The following SEMA3F variants were observed in gnomAD, a reference collection of about 807,000 sequenced individuals.
SEMA3F encodes semaphorin 3F, also known as semaphorin-3F.
In SEMA3F, 30 loss-of-function variants were observed where a neutral mutation model predicts 98.5. The ratio of observed to expected loss-of-function variants is 0.30; its 90% confidence interval spans 0.23 to 0.41. The LOEUF (loss-of-function observed/expected upper bound fraction) is 0.41, where lower values mean the gene tolerates loss of function less well. Ranked by LOEUF, SEMA3F falls within the 10% of genes least tolerant of loss-of-function variation. The pLI is 1.00. For missense variants in SEMA3F, 866 were observed against 1,119.3 expected, an observed-to-expected ratio of 0.77 and a Z score of 3.23; for synonymous variants, 380 against 444.8, an observed-to-expected ratio of 0.85 and a Z score of 1.83.
chr3:50,184,289 A>T lies in SEMA3F; in HGVS notation c.1234-303A>T, dbSNP rs1272040185. On this transcript the variant is annotated intron_variant, in intron 12 of 18. Coordinates refer to ENST00000002829, the MANE Select transcript of SEMA3F (RefSeq NM_004186.5). ...GGTGAGACCCTAGGAACAACCAGAG[A>T]GGAAGGAGATGACAGGGGTGGGGAG... 18 of 442,632 alleles carry T rather than the reference A, an allele frequency of 4.1e-5. No individual in the cohort carries two copies. The East Asian group carries it at 7.3e-4, about 18-fold the overall frequency. 27.4% of individuals were successfully genotyped at this position (442,632 alleles called of 1,614,324 possible). A position where few individuals can be genotyped will look rare whatever the true frequency, so the allele number is the denominator to read the frequency against.
chr3:50,188,069 A>C lies in SEMA3F; in HGVS notation c.2312A>C (p.Asp771Ala). 6.4e-7 allele frequency: 1 copy of C among 1,566,788 alleles called. No individual in the cohort carries two copies. The highest frequency in any genetic ancestry group is 8.7e-7 in the Non-Finnish European group (1 of 1,155,434). ...PGAPRSPEPQDQKKPRNRRHH... is the reference protein window; with the variant it reads ...PGAPRSPEPQAQKKPRNRRHH... The stretch of plus-strand genomic sequence containing the variant: ...GCACCCCGGTCTCCTGAGCCCCAGG[A>C]CCAGAAAAAGCCCCGGAACCGCCGG... Residue 771 changes from aspartate to alanine, a missense_variant, in exon 19 of 19, where the codon GAC becomes GCC. Around this residue, in one of 3 missense-constraint regions of SEMA3F, gnomAD observed 245 missense variants for 260.5 expected, o/e 0.94. Transcript: ENST00000002829. This position sits in a 1 kb window ranked among gnomAD's most constrained non-coding sequence, Gnocchi z 4.5.
rs1292760548 is a variant in SEMA3F, at chr3:50,166,473, C to T, written c.112+6739C>T. ...TTCCTGGCTGGGCCTGGGGCCTGTGCGGAGTGCTCACTGCCTGCCCTTGAC... is the reference window on the plus strand; with the variant it reads ...TTCCTGGCTGGGCCTGGGGCCTGTGTGGAGTGCTCACTGCCTGCCCTTGAC... On this transcript the variant is annotated intron_variant, in intron 2 of 18. Coordinates refer to ENST00000002829, the MANE Select transcript of SEMA3F (RefSeq NM_004186.5). The surrounding 1 kb of genome is among the most constrained non-coding windows in gnomAD (Gnocchi z 4.7). 2.6e-5 allele frequency among the ~76,000 whole-genome samples: 4 copies of T among 152,146 alleles called. No individual in the cohort carries two copies. The highest frequency in any genetic ancestry group is 5.9e-5 in the Non-Finnish European group (4 of 68,016).
Position 50,183,437 on chromosome 3 carries a change from C to G in SEMA3F, c.1106C>G (p.Ser369Cys), listed in dbSNP as rs1655047408. The G allele has an allele frequency of 1.2e-6, 2 of 1,613,994 alleles. No homozygotes were observed. Among genetic ancestry groups the G allele is most frequent in the Admixed American group, 1.7e-5 (1 of 60,008 alleles). The change falls in exon 12 of 19, where the codon TCT becomes TGT. Residue 369 changes from serine to cysteine, a missense_variant. Physicochemically the swap from Ser to Cys is moderately radical, Grantham distance 112. Around this residue, in one of 3 missense-constraint regions of SEMA3F, gnomAD observed 374 missense variants for 582.8 expected, o/e 0.64. Coordinates refer to ENST00000002829, the MANE Select transcript of SEMA3F (RefSeq NM_004186.5). ...GCCCACAGCTCCGTGTTCCGAGGCT[C>G]TGCCGTGTGTGTCTACTCCATGGCT... The part of the protein sequence containing the change: ...FTSSGSVFRG[S>C]AVCVYSMADI...
At chr3:50,167,774 A>G (rs543417542) in intron 2 of SEMA3F, among the ~76,000 whole-genome samples, 2 of 152,262 alleles carry the variant, frequency 1.3e-5, no homozygotes, top group African/African-American at 2.4e-5. Context: ...CCCCTGGGAT[A>G]GATGTGTCAG....
rs192916608 is a variant in SEMA3F, at chr3:50,174,746, G to C, written c.457-350G>C. Among the ~76,000 whole-genome samples, 322 of 152,358 alleles carry C rather than the reference G, an allele frequency of 2.1e-3. 1 individual carries two copies. The highest frequency in any genetic ancestry group is 3.9e-3 in the Non-Finnish European group (268 of 68,016). ...TGGGTCAGCTTCTACCATGTGGCCT[G>C]GGGGAGAGCTGCCTTCCACCCCCAG... is the stretch of plus-strand genomic sequence containing the variant. On this transcript the variant is annotated intron_variant, in intron 5 of 18. Coordinates refer to ENST00000002829, the MANE Select transcript of SEMA3F (RefSeq NM_004186.5).
rs772695016 is a variant in SEMA3F at position 50,183,032 on chromosome 3, A to G, written c.1018+14A>G. ...TTGATGAGCTCCGTGAGTGCCCAGC[A>G]GGCAGGCAGGGTGCTCTGGCTACAG... On this transcript the variant is annotated intron_variant, in intron 10 of 18. Transcript: ENST00000002829. The G allele has an allele frequency of 1.9e-6, 3 of 1,607,222 alleles. No individual in the cohort carries two copies. The highest frequency in any genetic ancestry group is 1.1e-5 in the South Asian group (1 of 90,930).
Position 50,188,172 on chromosome 3 carries a change from A to G in SEMA3F, c.*57A>G. Reference sequence around the variant, plus strand: ...CTAGCCCTTGTCCCTTTTAATATAAAAGATATATATATATATATATATATA... The same window carrying G: ...CTAGCCCTTGTCCCTTTTAATATAAGAGATATATATATATATATATATATA... On this transcript the variant is annotated 3_prime_UTR_variant, in exon 19 of 19. Coordinates refer to ENST00000002829, the MANE Select transcript of SEMA3F (RefSeq NM_004186.5). This position sits in a 1 kb window ranked among gnomAD's most constrained non-coding sequence, Gnocchi z 4.5. 1 of 416,098 alleles carries G rather than the reference A, an allele frequency of 2.4e-6. No homozygotes were observed. Among genetic ancestry groups the G allele is most frequent in the Non-Finnish European group, 3.5e-6 (1 of 283,766 alleles). 25.8% of individuals were successfully genotyped at this position (416,098 alleles called of 1,614,324 possible). A position where few individuals can be genotyped will look rare whatever the true frequency, so the allele number is the denominator to read the frequency against.
rs200273983 is a variant in SEMA3F, at chr3:50,174,248, C to T, written c.354C>T (p.Phe118=). The T allele has an allele frequency of 9.0e-5, 145 of 1,613,650 alleles. No individual in the cohort carries two copies. The highest frequency in any genetic ancestry group is 1.0e-4 in the Non-Finnish European group (123 of 1,179,986). Residue 118 remains phenylalanine (F), a synonymous_variant, in exon 5 of 19, where the codon TTC becomes TTT. Coordinates refer to ENST00000002829, the MANE Select transcript of SEMA3F (RefSeq NM_004186.5). ...GGCCCCAGGGCGAGTGTGGGAACTT[C>T]GTCAGGCTCATCCAGCCCTGGAACC... ...GKDVNGECGN[F]VRLIQPWNRT... is the part of the protein sequence containing the mutation.
At chr3:50,186,549 C>A in intron 17 of SEMA3F, 64 bp from the exon 18 acceptor site, 1 of 1,553,554 alleles carries the variant, frequency 6.4e-7, no homozygotes, top group Non-Finnish European at 8.8e-7. Context: ...GGTGCCTGCC[C>A]CGAAGCAGTC....
In SEMA3F at chr3:50,182,243, C is replaced by G; in HGVS notation, c.644-41C>G. The G allele has an allele frequency of 6.2e-7, 1 of 1,613,780 alleles. No individual in the cohort carries two copies. Among genetic ancestry groups the G allele is most frequent in the Non-Finnish European group, 8.5e-7 (1 of 1,179,926 alleles). The stretch of plus-strand genomic sequence containing the variant: ...CATCTGAGCTGTGCCCTGGCCCTAG[C>G]AAACAGCAGCCCCCCAACTGACCCA... On this transcript the variant is annotated intron_variant, in intron 7 of 18. Transcript: ENST00000002829. This position sits in a 1 kb window ranked among gnomAD's most constrained non-coding sequence, Gnocchi z 4.5.
chr3:50,183,016 T>C lies in SEMA3F; in HGVS notation c.1016T>C (p.Leu339Pro). 6.2e-7 allele frequency: 1 copy of C among 1,612,512 alleles called. No homozygotes were observed. Among genetic ancestry groups the C allele is most frequent in the Non-Finnish European group, 8.5e-7 (1 of 1,178,854 alleles). Residue 339 changes from leucine to proline, a missense_variant and splice_region_variant, in exon 10 of 19, where the codon CTC becomes CCC. Physicochemically the swap from Leu to Pro is moderately conservative, Grantham distance 98 (BLOSUM62 -3). Coordinates refer to ENST00000002829, the MANE Select transcript of SEMA3F (RefSeq NM_004186.5). The stretch of plus-strand genomic sequence containing the variant: ...GGCATTGAGACTCACTTTGATGAGC[T>C]CCGTGAGTGCCCAGCAGGCAGGCAG... Reference protein sequence around the residue: ...EDGIETHFDELQDVFVQQTQD... With the variant: ...EDGIETHFDEPQDVFVQQTQD...
chr3:50,173,569 C>T (rs1290859816), intron 2 of SEMA3F: 2 of 548,584 alleles, frequency 3.6e-6, no homozygotes, highest in Non-Finnish European at 6.5e-6. Context: ...TTGAACCCAG[C>T]AGATGGAGGT....
Position 50,176,750 on chromosome 3 carries a change from C to T in SEMA3F, c.550-18C>T, listed in dbSNP as rs759057856. 1.9e-6 allele frequency: 3 copies of T among 1,583,366 alleles called. No individual in the cohort carries two copies. The highest frequency in any genetic ancestry group is 2.2e-5 in the East Asian group (1 of 44,740). On this transcript the variant is annotated intron_variant, in intron 6 of 18. Coordinates refer to ENST00000002829, the MANE Select transcript of SEMA3F (RefSeq NM_004186.5). ...GGGGACTGGCCTGGACGATGCTGAG[C>T]CCCGCTCTGCCTTACAGGATTACAT...
At chr3:50,174,457 T>C in intron 5 of SEMA3F, 107 bp downstream of exon 5, 1 of 1,397,232 alleles carries the variant, frequency 7.2e-7, no homozygotes, top group African/African-American at 1.4e-5. Flanking sequence ...TCCGAGCCTT[T>C]TGACCTTGGG....
In SEMA3F at chr3:50,156,748, C is replaced by G. The variant is rs1345590549; in HGVS notation, c.-49+1184C>G. ...CCTTCAGCTCCGAAGGAGCCAGGCC[C>G]GGAAGTGGGGAGGTGGGGGCCGGAG... On this transcript the variant is annotated intron_variant, in intron 1 of 18. Coordinates refer to ENST00000002829, the MANE Select transcript of SEMA3F (RefSeq NM_004186.5). The surrounding 1 kb of genome is among the most constrained non-coding windows in gnomAD (Gnocchi z 4.5). Among the ~76,000 whole-genome samples the G allele has an allele frequency of 6.6e-6, 1 of 152,168 alleles. No individual in the cohort carries two copies. The highest frequency in any genetic ancestry group is 1.9e-4 in the East Asian group (1 of 5,194).
intron 18 of SEMA3F, 22 bp from the exon 19 acceptor site, chr3:50,187,683 C>A: frequency 6.5e-7 from 1 of 1,550,176 alleles, no homozygotes; most frequent in South Asian, 1.2e-5. Context: ...AGCCTCTGAA[C>A]CCCCTCTCCT....
Position 50,182,519 on chromosome 3 carries a change from C to A in SEMA3F, c.763+116C>A. The stretch of plus-strand genomic sequence containing the variant: ...ATGTTTAGCCTATGACTACCTGGGG[C>A]AGGGGTAGTTTCTTATCTGGAGAGG... On this transcript the variant is annotated intron_variant, in intron 8 of 18. Transcript: ENST00000002829. The surrounding 1 kb of genome is among the most constrained non-coding windows in gnomAD (Gnocchi z 4.5). The A allele has an allele frequency of 1.3e-6, 2 of 1,573,448 alleles. No homozygotes were observed. Among genetic ancestry groups the A allele is most frequent in the Non-Finnish European group, 8.7e-7 (1 of 1,153,206 alleles).
chr3:50,186,517 C>G, intron 17 of SEMA3F, 96 bp from the exon 18 acceptor site: 1 of 1,487,496 alleles, frequency 6.7e-7, no homozygotes, highest in Non-Finnish European at 9.2e-7. Flanking sequence ...CAGAGCACTA[C>G]ATTGGTGAGT....
intron 2 of SEMA3F, among the ~76,000 whole-genome samples, chr3:50,172,837 G>T (rs931967206): frequency 2.2e-4 from 33 of 152,252 alleles, no homozygotes; most frequent in African/African-American, 7.7e-4. Flanking sequence ...GGGCATCCAG[G>T]CTCCATGCCA....
Sources: allele counts gnomAD v4.1 joint callset (sites outside exome capture counted in the v4.1 genomes callset), GRCh38; gene constraint gnomAD v4.1.1; regional missense constraint gnomAD v4.1.1; non-coding constraint Gnocchi (gnomAD v3.1); transcripts MANE v1.5; gene names NCBI Gene and HGNC (gene_info 2026-07-23, HGNC 2026-07-21).